The following OPCML variants were observed in gnomAD, a reference collection of about 807,000 sequenced individuals.
The protein encoded by OPCML is opioid-binding protein/cell adhesion molecule.
Under a neutral mutation model 37.8 loss-of-function variants are expected in OPCML, and 13 were observed. The observed-to-expected ratio is 0.34, with a 90% CI of 0.22 to 0.55. OPCML has a LOEUF of 0.55. OPCML is among the 20% of genes least tolerant of loss of function. OPCML has a pLI of 0.91. For synonymous variants in OPCML, 176 were observed against 168.8 expected (o/e 1.04, Z -0.33); for missense variants, 341 against 435.6 (o/e 0.78, Z 1.93).
intron 1 of OPCML, among the ~76,000 whole-genome samples, chr11:133,179,224 T>C (rs1937705923): frequency 6.6e-6 from 1 of 152,002 alleles, no homozygotes. Context: ...AATCAGGAAA[T>C]TAAAAAATAA....
At chr11:132,835,806 CTT>C (rs1013873747) in intron 2 of OPCML, among the ~76,000 whole-genome samples, 24 of 152,178 alleles carry the variant, frequency 1.6e-4, no homozygotes, top group African/African-American at 5.8e-4. Context: ...TGTCACCTCT[CTT>C]TGATGGTGAC....
intron 1 of OPCML, among the ~76,000 whole-genome samples, chr11:132,989,491 G>T (rs1006105575): frequency 2.6e-5 from 4 of 152,072 alleles, no homozygotes; most frequent in South Asian, 2.1e-4. Flanking sequence ...GAAAATGGAA[G>T]CATAAGATAC....
chr11:133,219,391 A>C (rs1939718531), intron 1 of OPCML, among the ~76,000 whole-genome samples: 1 of 152,244 alleles, frequency 6.6e-6, no homozygotes, highest in Non-Finnish European at 1.5e-5. Flanking sequence ...GTAGCTATTG[A>C]TCACTTGGAA....
At chr11:133,239,680 G>A (rs761159858) in intron 1 of OPCML, among the ~76,000 whole-genome samples, 1 of 152,214 alleles carries the variant, frequency 6.6e-6, no homozygotes, top group Non-Finnish European at 1.5e-5. Flanking sequence ...CCCCACGGAG[G>A]AGAAACTCCT....
chr11:133,318,895 CG>C (rs1943265598), intron 1 of OPCML, among the ~76,000 whole-genome samples: 1 of 151,868 alleles, frequency 6.6e-6, no homozygotes, highest in Non-Finnish European at 1.5e-5. Context: ...AAATTAGCCA[CG>C]GGCACCTGTA....
chr11:133,464,336 T>A (rs1018137983), intron 1 of OPCML, among the ~76,000 whole-genome samples: 1 of 152,208 alleles, frequency 6.6e-6, no homozygotes, highest in Non-Finnish European at 1.5e-5. Flanking sequence ...CATCAAGCAA[T>A]GTTTTTGTCC....
intron 1 of OPCML, among the ~76,000 whole-genome samples, chr11:133,324,302 C>G (rs1475721912): frequency 1.3e-5 from 2 of 152,146 alleles, no homozygotes; most frequent in African/African-American, 4.8e-5. Context: ...TTGTCTCCAC[C>G]TTGCTCAAAT....
chr11:133,491,709 A>G (rs1166045448), intron 1 of OPCML, among the ~76,000 whole-genome samples: 1 of 152,200 alleles, frequency 6.6e-6, no homozygotes, highest in East Asian at 1.9e-4. Context: ...CCCTTTCTAT[A>G]GACCAGAACC....
intron 2 of OPCML, among the ~76,000 whole-genome samples, chr11:132,750,749 C>A (rs115352959): frequency 0.021 from 3,111 of 151,442 alleles, 57 homozygotes; most frequent in African/African-American, 0.039. Flanking sequence ...GACCTACTGA[C>A]AAATACTTGC....
chr11:133,215,355 A>C (rs1939541256), intron 1 of OPCML, among the ~76,000 whole-genome samples: 1 of 152,178 alleles, frequency 6.6e-6, no homozygotes, highest in African/African-American at 2.4e-5. Flanking sequence ...AAAAGGCTTT[A>C]CAGCTGCTGC....
chr11:132,543,805 C>T (rs1407125546), intron 3 of OPCML, among the ~76,000 whole-genome samples: 1 of 152,154 alleles, frequency 6.6e-6, no homozygotes, highest in Non-Finnish European at 1.5e-5. Context: ...CCACAAAAGA[C>T]ATTACTTATA....
chr11:133,021,581 G>T (rs530176512), intron 1 of OPCML, among the ~76,000 whole-genome samples: 1 of 152,298 alleles, frequency 6.6e-6, no homozygotes, highest in African/African-American at 2.4e-5. Flanking sequence ...CCTGTGCTAC[G>T]GGCAGGAGGG....
At chr11:133,154,348 A>G (rs1277448993) in intron 1 of OPCML, among the ~76,000 whole-genome samples, 1 of 152,126 alleles carries the variant, frequency 6.6e-6, no homozygotes, top group Non-Finnish European at 1.5e-5. Flanking sequence ...CCTTCTCTAA[A>G]TTTAATAAAA....
intron 1 of OPCML, among the ~76,000 whole-genome samples, chr11:133,059,139 T>G (rs1948294371): frequency 6.6e-6 from 1 of 152,210 alleles, no homozygotes; most frequent in African/African-American, 2.4e-5. Flanking sequence ...CATTCAGAGA[T>G]CAAGGCAGTA....
chr11:133,154,555 A>AAAT (rs938523847), intron 1 of OPCML, among the ~76,000 whole-genome samples: 6 of 151,870 alleles, frequency 4.0e-5, no homozygotes, highest in Non-Finnish European at 8.8e-5. Context: ...CAGCATTAAA[A>AAAT]AATAATAATA....
intron 3 of OPCML, among the ~76,000 whole-genome samples, chr11:132,590,172 A>G (rs1305040463): frequency 6.6e-6 from 1 of 152,188 alleles, no homozygotes; most frequent in African/African-American, 2.4e-5. Flanking sequence ...TAAACTGCAT[A>G]TTCTTACTAT....
intron 4 of OPCML, among the ~76,000 whole-genome samples, chr11:132,490,589 C>T (rs554632610): frequency 6.4e-4 from 97 of 152,104 alleles, no homozygotes; most frequent in African/African-American, 1.6e-3. Context: ...GAGGCCGAGG[C>T]GGGCGGATCG....
chr11:133,267,556 T>C (rs1158701861), intron 1 of OPCML, among the ~76,000 whole-genome samples: 1 of 152,216 alleles, frequency 6.6e-6, no homozygotes, highest in Non-Finnish European at 1.5e-5. Flanking sequence ...TTAAATATAA[T>C]GGAATTTTAT....
intron 2 of OPCML, among the ~76,000 whole-genome samples, chr11:132,720,283 C>G (rs371468123): frequency 7.2e-4 from 109 of 152,342 alleles, no homozygotes; most frequent in African/African-American, 2.5e-3. Context: ...AGGAGCTAGC[C>G]TGCCGGCCAA....
Sources: gnomAD v4.1 joint callset for allele counts (sites outside exome capture counted in the v4.1 genomes callset) on GRCh38, gnomAD v4.1.1 for gene constraint, MANE v1.5 for transcripts, NCBI Gene and HGNC (gene_info 2026-07-23, HGNC 2026-07-21) for gene names.